The following ITPR1 variants were observed in gnomAD, a reference collection of about 807,000 sequenced individuals.
ITPR1 encodes the protein inositol 1,4,5-trisphosphate receptor type 1, also known as inositol 1,4,5-trisphosphate-gated calcium channel ITPR1.
In ITPR1, 96 loss-of-function variants were observed where a neutral mutation model predicts 318.4. The observed-to-expected ratio is 0.30, with a 90% CI of 0.26 to 0.36. The LOEUF is 0.36. Ranked by LOEUF, ITPR1 falls within the 10% of genes least tolerant of loss-of-function variation. The pLI, the probability that ITPR1 is intolerant of heterozygous loss-of-function variation, is 1.00. For missense variants in ITPR1, 2,440 were observed against 3,460.2 expected, an observed-to-expected ratio of 0.71 and a Z score of 7.40; for synonymous variants, 1,312 against 1,289.9, an observed-to-expected ratio of 1.02 and a Z score of -0.37.
At chr3:4,667,629 T>G (rs2093980117) in intron 18 of ITPR1, 80 bp downstream of exon 18, 1 of 1,368,292 alleles carries the variant, frequency 7.3e-7, no homozygotes. Flanking sequence ...TTTTACTACG[T>G]TTCCTTGTGC....
intron 55 of ITPR1, among the ~76,000 whole-genome samples, chr3:4,808,318 GA>G (rs2048721290): frequency 6.6e-6 from 1 of 152,234 alleles, no homozygotes; most frequent in African/African-American, 2.4e-5. Flanking sequence ...GTAACTGGTG[GA>G]GGCAGGAGAG....
intron 48 of ITPR1, among the ~76,000 whole-genome samples, chr3:4,777,962 T>C (rs376546793): frequency 6.2e-4 from 95 of 152,352 alleles, no homozygotes; most frequent in African/African-American, 2.2e-3. Context: ...CTCTGTATTG[T>C]GTACAAATGC....
At chr3:4,616,024 T>C (rs1251820069) in intron 4 of ITPR1, among the ~76,000 whole-genome samples, 1 of 152,224 alleles carries the variant, frequency 6.6e-6, no homozygotes, top group Non-Finnish European at 1.5e-5. Flanking sequence ...GCATTTCCAA[T>C]TGGAAAATGT....
intron 21 of ITPR1, among the ~76,000 whole-genome samples, 169 bp downstream of exon 21, chr3:4,673,556 T>C (rs989398080): frequency 3.3e-5 from 5 of 152,166 alleles, no homozygotes; most frequent in African/African-American, 7.2e-5. Flanking sequence ...ATGTGAAAGA[T>C]GGCATGATTA....
intron 10 of ITPR1, among the ~76,000 whole-genome samples, chr3:4,646,873 G>A (rs1246707139): frequency 6.6e-6 from 1 of 151,910 alleles, no homozygotes; most frequent in Non-Finnish European, 1.5e-5. Context: ...CTCTGCTTGC[G>A]TTCTCTTTTC....
At chr3:4,824,215 C>T (rs1360935678) in intron 60 of ITPR1, among the ~76,000 whole-genome samples, 10 of 152,168 alleles carry the variant, frequency 6.6e-5, no homozygotes, top group Non-Finnish European at 1.3e-4. Flanking sequence ...CTGGGCTCTG[C>T]TTTACCTCGG....
intron 4 of ITPR1, among the ~76,000 whole-genome samples, chr3:4,617,029 T>C (rs771601729): frequency 6.6e-6 from 1 of 151,956 alleles, no homozygotes; most frequent in Non-Finnish European, 1.5e-5. Flanking sequence ...AGAGAACCTA[T>C]GTGAGAATTT....
chr3:4,586,645 G>A (rs1206308348), intron 4 of ITPR1, among the ~76,000 whole-genome samples: 1 of 151,608 alleles, frequency 6.6e-6, no homozygotes, highest in East Asian at 1.9e-4. Context: ...GAGTAGCTGG[G>A]ACTGCAGGCA....
intron 4 of ITPR1, among the ~76,000 whole-genome samples, chr3:4,609,846 G>C (rs2091968726): frequency 1.3e-5 from 2 of 152,220 alleles, no homozygotes; most frequent in Non-Finnish European, 2.9e-5. Context: ...TTGTCTCTCT[G>C]TGGAGAAACG....
At chr3:4,699,302 G>T (rs1218988778) in intron 34 of ITPR1, among the ~76,000 whole-genome samples, 6 of 152,022 alleles carry the variant, frequency 3.9e-5, no homozygotes, top group African/African-American at 1.4e-4. Flanking sequence ...GGCCACAGTG[G>T]GCCAAGATCA....
chr3:4,807,145 G>GACTTACAAA (rs2048624164), intron 55 of ITPR1, among the ~76,000 whole-genome samples: 1 of 4,756 alleles, frequency 2.1e-4, no homozygotes, highest in Admixed American at 3.4e-3. Flanking sequence ...AAGAGAGGGG[G>GACTTACAAA]GACTTACAAA....
At position 4,825,397 on chromosome 3, in the gene ITPR1, G is replaced by A. The variant is rs796335504; in HGVS notation, c.8028+7155G>A. Among the ~76,000 whole-genome samples, 6 of 152,290 alleles carry A rather than the reference G, an allele frequency of 3.9e-5. No individual in the cohort carries two copies. The East Asian group carries it at 1.2e-3, about 29-fold the overall frequency. ...CTTTTGCTTAGGAGGGGAGAGCCCAGGAGCCCGCATTCCTGAAAAATGCTT... is the reference window on the plus strand; with the variant it reads ...CTTTTGCTTAGGAGGGGAGAGCCCAAGAGCCCGCATTCCTGAAAAATGCTT... On this transcript the variant is annotated intron_variant, in intron 60 of 61. Coordinates refer to ENST00000649015, the MANE Select transcript of ITPR1 (RefSeq NM_001378452.1).
chr3:4,834,359 G>T (rs1408111866), intron 60 of ITPR1, among the ~76,000 whole-genome samples: 4 of 152,194 alleles, frequency 2.6e-5, no homozygotes, highest in Non-Finnish European at 5.9e-5. Flanking sequence ...CAACATTGTT[G>T]TATCCAAAGT....
At chr3:4,493,720 A>G (rs1458887120) in intron 1 of ITPR1, 115 bp downstream of exon 1, 1 of 152,128 alleles carries the variant, frequency 6.6e-6, no homozygotes, top group Non-Finnish European at 1.5e-5. Flanking sequence ...CTTGGCATGC[A>G]TTTGGGGGTT....
intron 34 of ITPR1, among the ~76,000 whole-genome samples, 183 bp downstream of exon 34, chr3:4,697,455 C>CTTTTTTTTCTTTT (rs2094578402): frequency 1.2e-5 from 1 of 86,784 alleles, no homozygotes; most frequent in Non-Finnish European, 2.5e-5. Flanking sequence ...TCCTTTCTTC[C>CTTTTTTTTCTTTT]TTTTTTTTTT....
intron 39 of ITPR1, among the ~76,000 whole-genome samples, chr3:4,714,251 T>A (rs1170391685): frequency 6.6e-6 from 1 of 152,176 alleles, no homozygotes; most frequent in Non-Finnish European, 1.5e-5. Flanking sequence ...CCAGTTGGCT[T>A]GAGTCAATAT....
At chr3:4,586,449 G>T (rs2089906447) in intron 4 of ITPR1, among the ~76,000 whole-genome samples, 1 of 151,132 alleles carries the variant, frequency 6.6e-6, no homozygotes, top group Non-Finnish European at 1.5e-5. Flanking sequence ...TAACTGCTTT[G>T]CTATGCTGCT....
At chr3:4,622,651 G>A (rs1172440047) in intron 4 of ITPR1, among the ~76,000 whole-genome samples, 1 of 152,134 alleles carries the variant, frequency 6.6e-6, no homozygotes, top group African/African-American at 2.4e-5. Context: ...TTGACCTCGT[G>A]ATCCTCCTGT....
intron 60 of ITPR1, among the ~76,000 whole-genome samples, chr3:4,833,427 A>G (rs1275858911): frequency 6.6e-6 from 1 of 152,256 alleles, no homozygotes; most frequent in Non-Finnish European, 1.5e-5. Context: ...AAGGTTTGCT[A>G]AGCAAATGAA....
Sources: allele counts gnomAD v4.1 joint callset (sites outside exome capture counted in the v4.1 genomes callset), GRCh38; gene constraint gnomAD v4.1.1; transcripts MANE v1.5; gene names NCBI Gene and HGNC (gene_info 2026-07-23, HGNC 2026-07-21).